The following RARB variants were observed in gnomAD, a reference collection of about 807,000 sequenced individuals.
The protein encoded by RARB is HBV-activated protein.
RARB carries 17 observed loss-of-function variants against 51.9 expected under a neutral mutation model. That is an observed-to-expected ratio of 0.33 (90% CI 0.22 to 0.49). The LOEUF (loss-of-function observed/expected upper bound fraction) is 0.49. Among genes scored for constraint, RARB ranks in the 20% least tolerant of loss-of-function variants. The probability of loss-of-function intolerance (pLI) is 0.99; values close to 1 mark genes in which losing one functional copy is unlikely to be tolerated. For missense variants in RARB, 369 were observed against 550.8 expected, an observed-to-expected ratio of 0.67 and a Z score of 3.30; for synonymous variants, 215 against 195.4, an observed-to-expected ratio of 1.10 and a Z score of -0.84.
At chr3:25,516,777 C>A (rs1480725829) in intron 3 of RARB, among the ~76,000 whole-genome samples, 4 of 152,030 alleles carry the variant, frequency 2.6e-5, no homozygotes, top group Non-Finnish European at 5.9e-5. Flanking sequence ...TAAGCATACA[C>A]CTCCACACCC....
At chr3:25,053,196 G>C (rs936274129) in intron 2 of RARB, among the ~76,000 whole-genome samples, 1 of 152,172 alleles carries the variant, frequency 6.6e-6, no homozygotes, top group South Asian at 2.1e-4. Context: ...CTACAAGGGA[G>C]TGTGGCTTAT....
chr3:25,410,567 C>G (rs1252641156), intron 5 of RARB, among the ~76,000 whole-genome samples: 1 of 152,124 alleles, frequency 6.6e-6, no homozygotes, highest in East Asian at 1.9e-4. Context: ...TGTTTATTTT[C>G]TTTTTTGCTT....
At chr3:25,317,088 A>AGTATTATAAGTATTAT (rs1575307164) in intron 5 of RARB, among the ~76,000 whole-genome samples, 2 of 152,184 alleles carry the variant, frequency 1.3e-5, no homozygotes, top group Non-Finnish European at 2.9e-5. Context: ...AAGTCGTGTA[A>AGTATTATAAGTATTAT]AAGAATACAA....
At chr3:24,885,012 C>T (rs973200218) in intron 2 of RARB, among the ~76,000 whole-genome samples, 13 of 152,138 alleles carry the variant, frequency 8.5e-5, no homozygotes, top group Middle Eastern at 3.4e-3. Flanking sequence ...TGACTCCAGG[C>T]GAAGAATATT....
At chr3:24,891,251 T>G (rs919500693) in intron 2 of RARB, among the ~76,000 whole-genome samples, 3 of 152,234 alleles carry the variant, frequency 2.0e-5, no homozygotes, top group East Asian at 3.8e-4. Flanking sequence ...TCTTCCAAAC[T>G]AGGCTATGAG....
In RARB at chr3:25,203,406, T is replaced by C. The variant is rs540343105; in HGVS notation, c.178+28831T>C. ...ATCCAATTTGCCAGTCTGTGTCTTTTAATTGGAGCATTTAGCCCATTTACA... is the reference window on the plus strand; with the variant it reads ...ATCCAATTTGCCAGTCTGTGTCTTTCAATTGGAGCATTTAGCCCATTTACA... On this transcript the variant is annotated intron_variant, in intron 5 of 11. Coordinates refer to the RARB transcript ENST00000383772. Among the ~76,000 whole-genome samples, 60 of 152,360 alleles carry C rather than the reference T, an allele frequency of 3.9e-4. No individual in the cohort carries two copies. In the South Asian group the frequency reaches 9.5e-3, roughly 24 times the overall value.
chr3:24,905,797 A>G (rs545589635), intron 2 of RARB, among the ~76,000 whole-genome samples: 1 of 152,334 alleles, frequency 6.6e-6, no homozygotes, highest in African/African-American at 2.4e-5. Context: ...CAGACATCCT[A>G]TATTAATTTG....
intron 2 of RARB, among the ~76,000 whole-genome samples, chr3:25,032,389 C>G (rs141548626): frequency 2.0e-5 from 3 of 152,286 alleles, no homozygotes; most frequent in African/African-American, 7.2e-5. Flanking sequence ...TTCTCCAAAG[C>G]CAGTTTCAGT....
chr3:25,435,274 A>T (rs997680631), intron 1 of RARB, among the ~76,000 whole-genome samples: 2 of 152,366 alleles, frequency 1.3e-5, no homozygotes, highest in Non-Finnish European at 2.9e-5. Flanking sequence ...TAAATTCAAA[A>T]TAATGTGCAG....
In RARB at chr3:25,180,069, T is replaced by C. The variant is rs1398366454; in HGVS notation, c.178+5494T>C. On this transcript the variant is annotated intron_variant, in intron 5 of 11. Coordinates refer to the RARB transcript ENST00000383772. ...TTCACTTTGATCAGATTAACTACAA[T>C]GCCCAAAGGAGTGTCTCAATTGTGG... Among the ~76,000 whole-genome samples the C allele has an allele frequency of 3.9e-5, 6 of 152,154 alleles. No homozygotes were observed. The East Asian group carries it at 5.8e-4, about 15-fold the overall frequency.
At chr3:25,565,753 C>T (rs141170171) in intron 3 of RARB, among the ~76,000 whole-genome samples, 313 of 152,242 alleles carry the variant, frequency 2.1e-3, no homozygotes, top group Middle Eastern at 3.4e-3. Context: ...ATTTCCCCCA[C>T]GGAAGGGCCT....
chr3:25,444,198 C>G (rs984316413), intron 1 of RARB, among the ~76,000 whole-genome samples: 5 of 152,168 alleles, frequency 3.3e-5, no homozygotes, highest in Admixed American at 6.5e-5. Flanking sequence ...TTCCTAGGCA[C>G]TGAGAGGTTC....
chr3:25,049,894 C>A (rs1027052797), intron 2 of RARB, among the ~76,000 whole-genome samples: 10 of 152,032 alleles, frequency 6.6e-5, no homozygotes, highest in Non-Finnish European at 5.9e-5. Flanking sequence ...AAATATAGTT[C>A]TCTCATGGAC....
chr3:25,555,963 G>T (rs1407080063), intron 3 of RARB, among the ~76,000 whole-genome samples: 2 of 152,058 alleles, frequency 1.3e-5, no homozygotes, highest in Non-Finnish European at 2.9e-5. Context: ...GGATTGTGAA[G>T]CTCTGGCAGG....
chr3:25,573,311 G>C (rs1700785010), intron 4 of RARB, among the ~76,000 whole-genome samples: 1 of 152,168 alleles, frequency 6.6e-6, no homozygotes, highest in Admixed American at 6.5e-5. Context: ...CAGGCCTCCA[G>C]GGCCCTTTCC....
At chr3:24,871,874 C>T (rs890353067) in intron 2 of RARB, among the ~76,000 whole-genome samples, 1 of 152,128 alleles carries the variant, frequency 6.6e-6, no homozygotes. Context: ...AGTAATCATT[C>T]AGGAAATCCT....
At chr3:24,959,040 G>A (rs1696083324) in intron 2 of RARB, among the ~76,000 whole-genome samples, 1 of 152,174 alleles carries the variant, frequency 6.6e-6, no homozygotes, top group Non-Finnish European at 1.5e-5. Flanking sequence ...AGTAGCTTCT[G>A]GAAAGGGAGT....
intron 2 of RARB, among the ~76,000 whole-genome samples, chr3:24,903,093 C>T (rs773993358): frequency 7.9e-5 from 12 of 152,008 alleles, no homozygotes; most frequent in Non-Finnish European, 1.8e-4. Flanking sequence ...TATGAAAAAT[C>T]TCCAAGTAGT....
chr3:25,451,978 T>C (rs1383126146), intron 1 of RARB, among the ~76,000 whole-genome samples: 2 of 152,216 alleles, frequency 1.3e-5, no homozygotes, highest in Non-Finnish European at 2.9e-5. Flanking sequence ...AGTGAGTTGA[T>C]GTTGAGAAAA....
Sources: allele counts gnomAD v4.1 joint callset (sites outside exome capture counted in the v4.1 genomes callset), GRCh38; gene constraint gnomAD v4.1.1; transcripts MANE v1.5; gene names NCBI Gene and HGNC (gene_info 2026-07-23, HGNC 2026-07-21).